The following MSANTD3 variants were observed in gnomAD, a reference collection of about 807,000 sequenced individuals.
MSANTD3 encodes myb/SANT-like DNA-binding domain-containing protein 3.
A neutral mutation model predicts 27.7 loss-of-function variants in MSANTD3; 11 were observed. The ratio of observed to expected loss-of-function variants is 0.40; its 90% CI spans 0.25 to 0.66. The LOEUF (loss-of-function observed/expected upper bound fraction) is 0.66, where lower values mean the gene tolerates loss of function less well. Among genes scored for constraint, MSANTD3 ranks in the 30% least tolerant of loss-of-function variants. The pLI is 0.41. For synonymous variants in MSANTD3, 131 were observed against 127.2 expected (o/e 1.03, Z -0.20); for missense variants, 250 against 336.5 (o/e 0.74, Z 2.01).
In MSANTD3 at chr9:100,450,977, G is replaced by T; in HGVS notation, c.*11G>T. ...CCCAATTCGCCCTAAGACTTTGGGG[G>T]TGGCTCTCTTGTAATTAATCTGTGT... On this transcript the variant is annotated 3_prime_UTR_variant, in exon 3 of 3. Coordinates refer to ENST00000395067, the MANE Select transcript of MSANTD3 (RefSeq NM_080655.3). 6.4e-7 allele frequency: 1 copy of T among 1,556,200 alleles called. No homozygotes were observed. The highest frequency in any genetic ancestry group is 8.6e-7 in the Non-Finnish European group (1 of 1,156,930).
At position 100,427,409 on chromosome 9, in the gene MSANTD3, T is replaced by TCCGGGCGGGCCGCAG. The variant is rs962902432; in HGVS notation, c.-34+26_-34+40dup. 1.4e-5 allele frequency: 2 copies of TCCGGGCGGGCCGCAG among 147,192 alleles called. No homozygotes were observed. Among genetic ancestry groups the TCCGGGCGGGCCGCAG allele is most frequent in the Admixed American group, 6.8e-5 (1 of 14,814 alleles). The allele number at this position is 147,192 out of a possible 1,614,324, so 9.1% of individuals were successfully genotyped here. ...GCCGCTGCAGGTAGGAGGCTCCCCTTCCGGGCGGGCCGCAGCCGGGCGGGG... is the reference window on the plus strand; with the variant it reads ...GCCGCTGCAGGTAGGAGGCTCCCCTTCCGGGCGGGCCGCAGCCGGGCGGGCCGCAGCCGGGCGGGG... On this transcript the variant is annotated intron_variant, in intron 1 of 2. Transcript: ENST00000395067.
At chr9:100,430,914 T>C (rs1315036649) in intron 1 of MSANTD3, among the ~76,000 whole-genome samples, 1 of 152,088 alleles carries the variant, frequency 6.6e-6, no homozygotes, top group East Asian at 1.9e-4. Flanking sequence ...TGATAGATAA[T>C]TGGAAATGTG....
chr9:100,427,184 G>A lies in MSANTD3; in HGVS notation c.-243G>A, dbSNP rs1436251186. 6.8e-6 allele frequency: 1 copy of A among 146,526 alleles called. No homozygotes were observed. Among genetic ancestry groups the A allele is most frequent in the African/African-American group, 2.5e-5 (1 of 40,800 alleles). The allele number at this position is 146,526 out of a possible 1,614,324, so 9.1% of individuals were successfully genotyped here. On this transcript the variant is annotated 5_prime_UTR_variant, in exon 1 of 3. Transcript: ENST00000395067. ...GACCGGCAGGCGGCGGGCGGTCCGC[G>A]AGGGGGCGGCGGCGTCCGGGCTTTG... is the stretch of plus-strand genomic sequence containing the variant.
At chr9:100,431,744 G>C (rs1258135252) in intron 1 of MSANTD3, among the ~76,000 whole-genome samples, 1 of 152,198 alleles carries the variant, frequency 6.6e-6, no homozygotes, top group Non-Finnish European at 1.5e-5. Flanking sequence ...TCTCAGTGCA[G>C]AGTAATTCTG....
At chr9:100,447,069 C>G (rs1489607955) in intron 2 of MSANTD3, among the ~76,000 whole-genome samples, 3 of 152,008 alleles carry the variant, frequency 2.0e-5, no homozygotes, top group Admixed American at 6.6e-5. Flanking sequence ...AGAAAAGCCC[C>G]TTGGCTTTCC....
intron 2 of MSANTD3, chr9:100,449,232 G>A: frequency 2.0e-6 from 2 of 985,364 alleles, no homozygotes; most frequent in Non-Finnish European, 2.4e-6. Flanking sequence ...TGATGTTACT[G>A]CTCTAATAAA....
intron 2 of MSANTD3, among the ~76,000 whole-genome samples, chr9:100,449,548 G>T (rs1295116589): frequency 2.0e-5 from 3 of 152,164 alleles, no homozygotes; most frequent in African/African-American, 7.2e-5. Flanking sequence ...ACTACAGTAA[G>T]TGGAGGGACA....
At position 100,450,942 on chromosome 9, in the gene MSANTD3, C is replaced by T. The variant is rs1359914848; in HGVS notation, c.804C>T (p.Asn268=). 3 of 1,596,512 alleles carry T rather than the reference C, an allele frequency of 1.9e-6. No homozygotes were observed. In the East Asian group the frequency reaches 6.7e-5, roughly 36 times the overall value. The change falls in exon 3 of 3, where the codon AAC becomes AAT. Residue 268 remains asparagine (N), a synonymous_variant. Transcript: ENST00000395067. ...FTKEWPVSSF[N]RPFPNSP The stretch of plus-strand genomic sequence containing the variant: ...AGGAATGGCCTGTTTCCTCATTTAA[C>T]CGGCCCTTTCCCAATTCGCCCTAAG...
chr9:100,433,206 C>G (rs1348517136), intron 1 of MSANTD3, among the ~76,000 whole-genome samples: 5 of 152,192 alleles, frequency 3.3e-5, no homozygotes. Flanking sequence ...CTGTTTTGCT[C>G]TGAGCCTCAG....
chr9:100,435,146 G>A (rs1211637946), intron 1 of MSANTD3, among the ~76,000 whole-genome samples: 3 of 152,158 alleles, frequency 2.0e-5, no homozygotes, highest in Admixed American at 6.5e-5. Context: ...CCGGGATAGC[G>A]GGGGAGTAAC....
chr9:100,442,519 T>A (rs140748432), intron 2 of MSANTD3, among the ~76,000 whole-genome samples, 163 bp downstream of exon 2: 1 of 152,218 alleles, frequency 6.6e-6, no homozygotes, highest in East Asian at 1.9e-4. Context: ...ATTCAAAGTC[T>A]TATAGAAGTG....
chr9:100,441,947 C>T lies in MSANTD3; in HGVS notation c.9C>T (p.Asn3=), dbSNP rs1438002147. The T allele has an allele frequency of 1.2e-6, 2 of 1,604,512 alleles. No individual in the cohort carries two copies. The highest frequency in any genetic ancestry group is 3.3e-4 in the Middle Eastern group (2 of 6,006). The change falls in exon 2 of 3, where the codon AAC becomes AAT. Residue 3 remains asparagine, a synonymous_variant. Transcript: ENST00000395067. MQ[N]NEIIKPAKYF... is the part of the protein sequence containing the mutation. ...GAGAAATACAGTGGAAAATGCAAAACAACGAAATTATAAAGCCTGCCAAAT... is the reference window on the plus strand; with the variant it reads ...GAGAAATACAGTGGAAAATGCAAAATAACGAAATTATAAAGCCTGCCAAAT...
At chr9:100,440,646 G>A (rs201410227) in intron 1 of MSANTD3, among the ~76,000 whole-genome samples, 4 of 148,862 alleles carry the variant, frequency 2.7e-5, no homozygotes, top group Admixed American at 6.7e-5. Context: ...GCTGGAGTGC[G>A]GTGGTGCAAA....
intron 1 of MSANTD3, among the ~76,000 whole-genome samples, chr9:100,429,813 T>C (rs564319741): frequency 5.9e-5 from 9 of 151,976 alleles, no homozygotes; most frequent in Admixed American, 2.6e-4. Flanking sequence ...AGCGATTCTC[T>C]TGTCTCAGCC....
At chr9:100,437,176 G>A (rs1185291770) in intron 1 of MSANTD3, among the ~76,000 whole-genome samples, 3 of 152,260 alleles carry the variant, frequency 2.0e-5, no homozygotes, top group Non-Finnish European at 1.5e-5. Flanking sequence ...GAAGGTACAC[G>A]TGGGAGGATT....
chr9:100,445,590 T>G (rs891035840), intron 2 of MSANTD3, among the ~76,000 whole-genome samples: 30 of 152,344 alleles, frequency 2.0e-4, no homozygotes, highest in African/African-American at 6.7e-4. Context: ...TGAGGATATT[T>G]AAAATTATAT....
intron 1 of MSANTD3, among the ~76,000 whole-genome samples, chr9:100,435,747 T>C (rs531147762): frequency 6.6e-6 from 1 of 152,296 alleles, no homozygotes; most frequent in East Asian, 1.9e-4. Context: ...CTGGTGTCTC[T>C]ACTTATCAAG....
intron 1 of MSANTD3, among the ~76,000 whole-genome samples, chr9:100,434,011 C>T (rs778906600): frequency 6.6e-6 from 1 of 152,154 alleles, no homozygotes; most frequent in Admixed American, 6.5e-5. Flanking sequence ...CACACTGTCT[C>T]GTCACCAGCC....
chr9:100,433,803 T>C (rs1440052159), intron 1 of MSANTD3, among the ~76,000 whole-genome samples: 1 of 152,136 alleles, frequency 6.6e-6, no homozygotes, highest in Non-Finnish European at 1.5e-5. Context: ...AGGCCTTGCT[T>C]GTAGGGAGGG....
Sources: allele counts gnomAD v4.1 joint callset (sites outside exome capture counted in the v4.1 genomes callset), GRCh38; gene constraint gnomAD v4.1.1; transcripts MANE v1.5; gene names NCBI Gene and HGNC (gene_info 2026-07-23, HGNC 2026-07-21).